The following ZUP1 variants were observed in gnomAD, a reference collection of about 807,000 sequenced individuals.
ZUP1 encodes the protein zinc finger containing ubiquitin peptidase 1, also known as zinc finger-containing ubiquitin peptidase 1.
A neutral mutation model predicts 68.1 loss-of-function variants in ZUP1; 55 were observed. The ratio of observed to expected loss-of-function variants is 0.81; its 90% CI spans 0.65 to 1.01. The LOEUF is 1.01. Among genes scored for constraint, ZUP1 ranks in the 50% least tolerant of loss-of-function variants. The pLI, the probability that ZUP1 is intolerant of heterozygous loss-of-function variation, is 0.00. For missense variants in ZUP1, 684 were observed against 674.9 expected (o/e 1.01, Z -0.15); for synonymous variants, 223 against 221.5 (o/e 1.01, Z -0.06).
rs377355356 is a variant in ZUP1 at position 116,667,048 on chromosome 6, C to T, written c.145G>A (p.Glu49Lys). The T allele has an allele frequency of 3.6e-5, 58 of 1,613,648 alleles. No homozygotes were observed. In the East Asian group the frequency reaches 3.8e-4, roughly 11 times the overall value. Residue 49 changes from glutamate (E) to lysine (K), a missense_variant, in exon 2 of 10, where the codon GAA (glutamate) becomes AAA (lysine). Coordinates refer to ENST00000368576, the MANE Select transcript of ZUP1 (RefSeq NM_145062.3). Reference sequence around the variant, plus strand: ...GTATTCTGCTCAAAATGAGCTGTTTCGATATGAAAACACATTTCATCATAA... The same window carrying T: ...GTATTCTGCTCAAAATGAGCTGTTTTGATATGAAAACACATTTCATCATAA... The part of the protein sequence containing the change: ...VNYDEMCFHI[E>K]TAHFEQNTLE...
chr6:116,660,705 G>T, intron 3 of ZUP1, 31 bp downstream of exon 3: 1 of 1,249,616 alleles, frequency 8.0e-7, no homozygotes, highest in South Asian at 1.3e-5. Context: ...GAAATTAAAT[G>T]ATATTTTTAT....
intron 2 of ZUP1, among the ~76,000 whole-genome samples, chr6:116,661,348 C>A (rs1583378673): frequency 6.7e-6 from 1 of 149,624 alleles, no homozygotes; most frequent in African/African-American, 2.5e-5. Context: ...CATACCACTC[C>A]AAAAAAAAAG....
chr6:116,645,603 A>AT, intron 9 of ZUP1, 111 bp downstream of exon 9: 1 of 825,702 alleles, frequency 1.2e-6, no homozygotes, highest in Non-Finnish European at 1.8e-6. Context: ...AAAAAAAAAG[A>AT]AAAAGAATAG....
In ZUP1 at chr6:116,645,840, C is replaced by T. The variant is rs370028935; in HGVS notation, c.1563G>A (p.Gln521=). 4 of 1,613,718 alleles carry T rather than the reference C, an allele frequency of 2.5e-6. No homozygotes were observed. Among genetic ancestry groups the T allele is most frequent in the Non-Finnish European group, 3.4e-6 (4 of 1,179,908 alleles). The change falls in exon 9 of 10, where the codon CAG becomes CAA. Residue 521 remains glutamine (Q), a synonymous_variant. Coordinates refer to ENST00000368576, the MANE Select transcript of ZUP1 (RefSeq NM_145062.3). The part of the protein sequence containing the change: ...LDPGCPSREM[Q]KLLKQDIEAS... Reference sequence around the variant, plus strand: ...CCTCTATGTCTTGCTTTAATAATTTCTGCATTTCTCGAGAAGGACATCCAG... The same window carrying T: ...CCTCTATGTCTTGCTTTAATAATTTTTGCATTTCTCGAGAAGGACATCCAG...
At chr6:116,659,026 C>T in intron 3 of ZUP1, 102 bp from the exon 4 acceptor site, 1 of 1,069,678 alleles carries the variant, frequency 9.3e-7, no homozygotes, top group African/African-American at 1.7e-5. Flanking sequence ...CTGTTATTTG[C>T]CATTTATTCA....
At chr6:116,662,278 G>A (rs1776866238) in intron 2 of ZUP1, among the ~76,000 whole-genome samples, 3 of 152,144 alleles carry the variant, frequency 2.0e-5, no homozygotes, top group Non-Finnish European at 2.9e-5. Context: ...TTTGCTTATC[G>A]CTTTGATCAT....
At chr6:116,667,808 A>G (rs1474482828) in intron 1 of ZUP1, among the ~76,000 whole-genome samples, 1 of 152,170 alleles carries the variant, frequency 6.6e-6, no homozygotes, top group Non-Finnish European at 1.5e-5. Flanking sequence ...CTGTACTCTC[A>G]GCCCCAAGAA....
intron 9 of ZUP1, among the ~76,000 whole-genome samples, chr6:116,643,443 C>G (rs1445470046): frequency 6.6e-6 from 1 of 152,130 alleles, no homozygotes; most frequent in African/African-American, 2.4e-5. Flanking sequence ...AACTATACTA[C>G]AAGGTTACAG....
At chr6:116,660,904 C>CT (rs368048094) in intron 2 of ZUP1, 58 bp from the exon 3 acceptor site, 82,845 of 781,508 alleles carry the variant, frequency 0.11, 134 homozygotes, top group Middle Eastern at 0.16. Context: ...TTTTTCTTTG[C>CT]TTTTTTTTTT....
intron 5 of ZUP1, among the ~76,000 whole-genome samples, chr6:116,654,998 T>G (rs1309336485): frequency 6.6e-6 from 1 of 152,126 alleles, no homozygotes; most frequent in Non-Finnish European, 1.5e-5. Context: ...GTTCTGGATG[T>G]AATACTAGAG....
chr6:116,648,610 T>G (rs2352422), intron 7 of ZUP1, among the ~76,000 whole-genome samples: 32,231 of 151,954 alleles, frequency 0.21, 3,746 homozygotes, highest in Non-Finnish European at 0.28. Context: ...CTAAACACAC[T>G]CAGGATATAT....
At chr6:116,651,837 A>G in intron 6 of ZUP1, 100 bp from the exon 7 acceptor site, 4 of 1,458,364 alleles carry the variant, frequency 2.7e-6, no homozygotes, top group Non-Finnish European at 2.8e-6. Flanking sequence ...GGTTTTTAAG[A>G]CAGTTATTCC....
chr6:116,645,738 A>G lies in ZUP1; in HGVS notation c.1665T>C (p.Gly555=). ...HKQYQILAVE[G]ALSLEEKLAR... ...CAAGTTTCTCCTCTAGAGAAAGAGCACCCTCTACTGCCAATATCTGGTATT... is the reference window on the plus strand; with the variant it reads ...CAAGTTTCTCCTCTAGAGAAAGAGCGCCCTCTACTGCCAATATCTGGTATT... Residue 555 remains glycine, a synonymous_variant, in exon 9 of 10, where the codon GGT becomes GGC. Transcript: ENST00000368576. 6.2e-7 allele frequency: 1 copy of G among 1,612,612 alleles called. No individual in the cohort carries two copies. Among genetic ancestry groups the G allele is most frequent in the Non-Finnish European group, 8.5e-7 (1 of 1,179,602 alleles).
At chr6:116,645,998 G>T in intron 8 of ZUP1, 64 bp from the exon 9 acceptor site, 2 of 1,167,534 alleles carry the variant, frequency 1.7e-6, no homozygotes, top group Non-Finnish European at 2.5e-6. Flanking sequence ...AATAGTCTCT[G>T]TATGTATGTT....
chr6:116,664,962 A>G (rs1776955846), intron 2 of ZUP1, among the ~76,000 whole-genome samples: 1 of 152,148 alleles, frequency 6.6e-6, no homozygotes, highest in East Asian at 1.9e-4. Flanking sequence ...TTTAGAATAT[A>G]TGAGAATAGC....
intron 9 of ZUP1, among the ~76,000 whole-genome samples, 188 bp from the exon 10 acceptor site, chr6:116,636,067 CAAAGA>C (rs1775903318): frequency 6.6e-6 from 1 of 151,602 alleles, no homozygotes; most frequent in African/African-American, 2.4e-5. Context: ...AAGGCATAAA[CAAAGA>C]AAAGTCCAGA....
At position 116,666,649 on chromosome 6, in the gene ZUP1, C is replaced by G. The variant is rs1777018064; in HGVS notation, c.544G>C (p.Asp182His). The change falls in exon 2 of 10, where the codon GAC becomes CAC. Residue 182 changes from aspartate to histidine, a missense_variant. Asp to His is a moderately conservative substitution (Grantham distance 81). Coordinates refer to ENST00000368576, the MANE Select transcript of ZUP1 (RefSeq NM_145062.3). ...AAAACTTTACCTTCCAATGGAATGTCTAAAAGATTGGCATGCTTTGTTTTC... is the reference window on the plus strand; with the variant it reads ...AAAACTTTACCTTCCAATGGAATGTGTAAAAGATTGGCATGCTTTGTTTTC... ...HVKTKHANLL[D>H]IPLEDCDQPL... 1.3e-6 allele frequency: 2 copies of G among 1,580,912 alleles called. No individual in the cohort carries two copies. Among genetic ancestry groups the G allele is most frequent in the Admixed American group, 3.7e-5 (2 of 53,626 alleles).
At chr6:116,658,267 C>G (rs1776727490) in intron 4 of ZUP1, among the ~76,000 whole-genome samples, 1 of 152,052 alleles carries the variant, frequency 6.6e-6, no homozygotes. Context: ...TAAAACCACC[C>G]ACCTAAGATA....
chr6:116,651,553 T>A lies in ZUP1; in HGVS notation c.1316+19A>T. 1 of 1,535,390 alleles carries A rather than the reference T, an allele frequency of 6.5e-7. No individual in the cohort carries two copies. The highest frequency in any genetic ancestry group is 8.8e-7 in the Non-Finnish European group (1 of 1,140,948). On this transcript the variant is annotated intron_variant, in intron 7 of 9. Transcript: ENST00000368576. ...CCCCGATAAGGAAATAACATTTATTTAGGTTTTAAGGTACATACTTTACCC... is the reference window on the plus strand; with the variant it reads ...CCCCGATAAGGAAATAACATTTATTAAGGTTTTAAGGTACATACTTTACCC...
Sources: allele counts gnomAD v4.1 joint callset (sites outside exome capture counted in the v4.1 genomes callset), GRCh38; gene constraint gnomAD v4.1.1; transcripts MANE v1.5; gene names NCBI Gene and HGNC (gene_info 2026-07-23, HGNC 2026-07-21).